Variants in TRPM3 observed in about 807,000 individuals in gnomAD.
The protein encoded by TRPM3 is long transient receptor potential channel 3.
A neutral mutation model predicts 181.2 loss-of-function variants in TRPM3; 77 were observed. The ratio of observed to expected loss-of-function variants is 0.42; its 90% CI spans 0.35 to 0.51. TRPM3 has a LOEUF of 0.51. Ranked by LOEUF, TRPM3 falls within the 20% of genes least tolerant of loss-of-function variation. TRPM3 has a pLI of 0.01. For synonymous variants in TRPM3, 745 were observed against 796.4 expected, an observed-to-expected ratio of 0.94 and a Z score of 1.09; for missense variants, 1,759 against 2,196.7, an observed-to-expected ratio of 0.80 and a Z score of 3.98.
At chr9:71,063,322 T>C (rs903251511) in intron 1 of TRPM3, among the ~76,000 whole-genome samples, 1 of 152,120 alleles carries the variant, frequency 6.6e-6, no homozygotes, top group Non-Finnish European at 1.5e-5. Flanking sequence ...TAGAATTCTT[T>C]TATGAAATCA....
intron 1 of TRPM3, among the ~76,000 whole-genome samples, chr9:71,256,308 T>C (rs900028755): frequency 2.0e-5 from 3 of 152,168 alleles, no homozygotes; most frequent in African/African-American, 4.8e-5. Flanking sequence ...TTTCTTGCAC[T>C]GCCCCTCTCT....
chr9:71,202,401 C>T (rs1193759448), intron 1 of TRPM3, among the ~76,000 whole-genome samples: 2 of 152,106 alleles, frequency 1.3e-5, no homozygotes, highest in African/African-American at 4.8e-5. Flanking sequence ...AGGTTTACTG[C>T]TGTCTTTTTG....
chr9:71,080,852 G>A (rs76059838), intron 1 of TRPM3, among the ~76,000 whole-genome samples: 9,319 of 152,212 alleles, frequency 0.061, 402 homozygotes, highest in Admixed American at 0.13. Flanking sequence ...CATCAGGCCC[G>A]GTAAATTATG....
At chr9:71,094,099 G>C (rs1451512462) in intron 1 of TRPM3, among the ~76,000 whole-genome samples, 1 of 149,024 alleles carries the variant, frequency 6.7e-6, no homozygotes, top group Non-Finnish European at 1.5e-5. Flanking sequence ...GTGGGGGTGG[G>C]GGGCAAGGGG....
At chr9:71,221,480 TTA>T (rs1343540773) in intron 1 of TRPM3, among the ~76,000 whole-genome samples, 1 of 152,226 alleles carries the variant, frequency 6.6e-6, no homozygotes, top group South Asian at 2.1e-4. Context: ...TTGAGCAATT[TTA>T]TGTTTTTTAA....
chr9:70,630,599 C>A (rs1357300344), intron 12 of TRPM3, among the ~76,000 whole-genome samples: 1 of 152,148 alleles, frequency 6.6e-6, no homozygotes, highest in African/African-American at 2.4e-5. Flanking sequence ...AATTAGAAGT[C>A]AAAAAGGATA....
intron 1 of TRPM3, among the ~76,000 whole-genome samples, chr9:71,396,016 C>T (rs1456303211): frequency 2.6e-5 from 4 of 151,908 alleles, no homozygotes; most frequent in South Asian, 2.1e-4. Flanking sequence ...GAATAAGAAA[C>T]GTTAATAAAA....
intron 1 of TRPM3, among the ~76,000 whole-genome samples, chr9:71,250,205 T>C (rs925450226): frequency 2.0e-5 from 3 of 152,166 alleles, no homozygotes; most frequent in Non-Finnish European, 1.5e-5. Flanking sequence ...TAAATTCAAA[T>C]TGAATAGCTA....
intron 1 of TRPM3, among the ~76,000 whole-genome samples, chr9:71,022,198 A>G (rs2097852542): frequency 6.6e-6 from 1 of 152,210 alleles, no homozygotes; most frequent in South Asian, 2.1e-4. Context: ...TGATACACAC[A>G]TGGATTAATG....
intron 1 of TRPM3, among the ~76,000 whole-genome samples, chr9:71,019,563 AC>A (rs1206245262): frequency 5.3e-5 from 8 of 152,124 alleles, no homozygotes; most frequent in Non-Finnish European, 1.0e-4. Flanking sequence ...AAAAATATTG[AC>A]AGGAGATTTT....
At chr9:70,580,664 C>T (rs1422655932) in intron 22 of TRPM3, among the ~76,000 whole-genome samples, 2 of 152,186 alleles carry the variant, frequency 1.3e-5, no homozygotes, top group Admixed American at 1.3e-4. Context: ...TGGTTTTGTA[C>T]ATAACAGTCC....
chr9:70,936,147 G>T lies in TRPM3; in HGVS notation c.178-71636C>A, dbSNP rs535612732. Among the ~76,000 whole-genome samples, 15 of 152,232 alleles carry T rather than the reference G, an allele frequency of 9.9e-5. No individual in the cohort carries two copies. In the South Asian group the frequency reaches 2.9e-3, roughly 29 times the overall value. ...TAATTTACTGTCTTCAGCCTCCAAG[G>T]TTTTAAAACTTGATTGCATAACAAA... On this transcript the variant is annotated intron_variant, in intron 1 of 25. Coordinates refer to ENST00000677713, the MANE Select transcript of TRPM3 (RefSeq NM_001366145.2).
At position 70,776,398 on chromosome 9, in the gene TRPM3, C is replaced by T. The variant is rs114873611; in HGVS notation, c.1148+7707G>A. 518 of 701,864 alleles carry T rather than the reference C, an allele frequency of 7.4e-4. 6 individuals carry two copies. The African/African-American group carries it at 8.3e-3, about 11-fold the overall frequency. 43.5% of individuals were successfully genotyped at this position (701,864 alleles called of 1,614,324 possible). ...CCTCTCAGCTGAGAGGACCGTCATT[C>T]GCCATCAACTAGCACCATTTCACTT... On this transcript the variant is annotated intron_variant, in intron 7 of 25. Coordinates refer to ENST00000677713, the MANE Select transcript of TRPM3 (RefSeq NM_001366145.2).
At chr9:70,923,861 T>C (rs937803555) in intron 1 of TRPM3, among the ~76,000 whole-genome samples, 3 of 149,906 alleles carry the variant, frequency 2.0e-5, no homozygotes, top group African/African-American at 4.9e-5. Flanking sequence ...CACACACATA[T>C]ATATATATAC....
At chr9:71,255,983 A>G (rs529745863) in intron 1 of TRPM3, among the ~76,000 whole-genome samples, 13 of 152,230 alleles carry the variant, frequency 8.5e-5, no homozygotes, top group African/African-American at 3.1e-4. Flanking sequence ...AAATCGATTT[A>G]TTGCTTCTCC....
At chr9:71,301,034 C>T (rs948403349) in intron 1 of TRPM3, among the ~76,000 whole-genome samples, 1 of 151,282 alleles carries the variant, frequency 6.6e-6, no homozygotes, top group Non-Finnish European at 1.5e-5. Context: ...CATTTCATCA[C>T]CATCAAATGA....
At chr9:71,338,305 G>C (rs1476515336) in intron 1 of TRPM3, among the ~76,000 whole-genome samples, 2 of 152,086 alleles carry the variant, frequency 1.3e-5, no homozygotes, top group Admixed American at 6.6e-5. Flanking sequence ...AGGCCAAGAT[G>C]ATCTGCCAGT....
At chr9:70,665,081 C>T (rs1159311011) in intron 9 of TRPM3, among the ~76,000 whole-genome samples, 10 of 152,166 alleles carry the variant, frequency 6.6e-5, no homozygotes, top group Non-Finnish European at 1.5e-4. Flanking sequence ...GGCTGGCTGA[C>T]AGCGCCTCAG....
chr9:71,135,047 A>G lies in TRPM3; in HGVS notation c.184-270536T>C, dbSNP rs1287717750. 2.0e-5 allele frequency among the ~76,000 whole-genome samples: 3 copies of G among 152,136 alleles called. No homozygotes were observed. The East Asian group carries it at 5.8e-4, about 29-fold the overall frequency. On this transcript the variant is annotated intron_variant, in intron 1 of 24. Coordinates refer to the TRPM3 transcript ENST00000357533. Reference sequence around the variant, plus strand: ...AGGAACATACCTACCTAAATCCCCAATCACCAAAATACTCCTTATGACAAT... The same window carrying G: ...AGGAACATACCTACCTAAATCCCCAGTCACCAAAATACTCCTTATGACAAT...
Sources: gnomAD v4.1 joint callset for allele counts (sites outside exome capture counted in the v4.1 genomes callset) on GRCh38, gnomAD v4.1.1 for gene constraint, MANE v1.5 for transcripts, NCBI Gene and HGNC (gene_info 2026-07-23, HGNC 2026-07-21) for gene names.